CLTCL1: variants seen among roughly 807,000 people sequenced by gnomAD.
CLTCL1 encodes clathrin heavy chain like 1.
A neutral mutation model predicts 190.0 loss-of-function variants in CLTCL1; 159 were observed. The observed-to-expected ratio is 0.84, with a 90% CI of 0.74 to 0.95. The LOEUF (loss-of-function observed/expected upper bound fraction) is 0.95. CLTCL1 is among the 40% of genes least tolerant of loss of function. The pLI is 0.00. For missense variants in CLTCL1, 1,878 were observed against 2,033.4 expected (o/e 0.92, Z 1.47); for synonymous variants, 752 against 769.6 (o/e 0.98, Z 0.38).
chr22:19,203,938 A>C (rs1439257305), intron 22 of CLTCL1, among the ~76,000 whole-genome samples: 1 of 151,836 alleles, frequency 6.6e-6, no homozygotes, highest in East Asian at 1.9e-4. Flanking sequence ...CTCACACCCC[A>C]CTTGGCAGCA....
chr22:19,289,156 T>C (rs1259832647), intron 1 of CLTCL1, among the ~76,000 whole-genome samples: 5 of 152,164 alleles, frequency 3.3e-5, no homozygotes, highest in African/African-American at 7.2e-5. Flanking sequence ...GCTAATACTG[T>C]ATTTTTAGTA....
At chr22:19,196,891 T>C (rs535258979) in intron 24 of CLTCL1, among the ~76,000 whole-genome samples, 6 of 152,296 alleles carry the variant, frequency 3.9e-5, no homozygotes, top group Non-Finnish European at 8.8e-5. Context: ...TCAAGTTTAG[T>C]AAGTGCAAAT....
chr22:19,220,082 C>A (rs908322172), intron 17 of CLTCL1, 75 bp from the exon 18 acceptor site: 29 of 1,589,858 alleles, frequency 1.8e-5, no homozygotes, highest in Middle Eastern at 2.1e-4. Flanking sequence ...CACCCCAATT[C>A]GTTCCCTGTG....
chr22:19,210,850 A>G (rs1555946333), intron 19 of CLTCL1, among the ~76,000 whole-genome samples: 2 of 152,110 alleles, frequency 1.3e-5, no homozygotes, highest in African/African-American at 4.8e-5. Context: ...TTATAGCTTT[A>G]TCACATCTAC....
At chr22:19,274,815 C>T (rs561481252) in intron 2 of CLTCL1, among the ~76,000 whole-genome samples, 94 of 151,806 alleles carry the variant, frequency 6.2e-4, no homozygotes, top group African/African-American at 2.2e-3. Context: ...CCGCAACCTC[C>T]ACCTCCTGGG....
chr22:19,232,709 AACATTATC>A, intron 9 of CLTCL1, 111 bp from the exon 10 acceptor site: 1 of 1,372,738 alleles, frequency 7.3e-7, no homozygotes, highest in African/African-American at 1.4e-5. Flanking sequence ...AATGAGCAGC[AACATTATC>A]ATGTGTAGGT....
At chr22:19,233,057 C>T (rs1228013027) in intron 9 of CLTCL1, 109 bp downstream of exon 9, 16 of 1,187,110 alleles carry the variant, frequency 1.3e-5, no homozygotes, top group Non-Finnish European at 1.9e-5. Context: ...ATTGCCAACT[C>T]TCACACCAGA....
At chr22:19,202,886 A>G (rs2084941734) in intron 22 of CLTCL1, among the ~76,000 whole-genome samples, 1 of 152,222 alleles carries the variant, frequency 6.6e-6, no homozygotes, top group African/African-American at 2.4e-5. Context: ...GGCCTGCTCC[A>G]TGGATGTCCC....
chr22:19,221,655 G>C, intron 16 of CLTCL1, 44 bp from the exon 17 acceptor site: 2 of 1,501,176 alleles, frequency 1.3e-6, no homozygotes, highest in East Asian at 4.9e-5. Context: ...GGCTACCACT[G>C]GAAGTCTTGA....
intron 22 of CLTCL1, among the ~76,000 whole-genome samples, chr22:19,206,211 ACCC>A (rs2085045623): frequency 6.7e-6 from 1 of 150,086 alleles, no homozygotes; most frequent in Admixed American, 6.6e-5. Flanking sequence ...CAGGCCCTTC[ACCC>A]CCTTGTTTTC....
chr22:19,288,989 C>T (rs1354256681), intron 1 of CLTCL1, among the ~76,000 whole-genome samples: 3 of 152,202 alleles, frequency 2.0e-5, no homozygotes, highest in African/African-American at 7.2e-5. Flanking sequence ...TAGCTCATCG[C>T]ATCTTATTTT....
chr22:19,249,810 A>G, intron 3 of CLTCL1: 1 of 248,442 alleles, frequency 4.0e-6, no homozygotes, highest in South Asian at 3.9e-5. Flanking sequence ...TTAATCAGAA[A>G]ATTAACTTTC....
At chr22:19,246,673 T>G (rs1000618667) in intron 3 of CLTCL1, among the ~76,000 whole-genome samples, 8 of 152,114 alleles carry the variant, frequency 5.3e-5, no homozygotes, top group Admixed American at 1.3e-4. Context: ...ATGGGGTTTC[T>G]CCATGTTGGT....
intron 3 of CLTCL1, among the ~76,000 whole-genome samples, chr22:19,246,944 G>A (rs2086438045): frequency 6.6e-6 from 1 of 152,090 alleles, no homozygotes; most frequent in African/African-American, 2.4e-5. Flanking sequence ...ATCCCAGGTT[G>A]TCTTTTCACT....
At chr22:19,256,354 C>CTTTTTTTTTTTTTTT (rs1239133099) in intron 2 of CLTCL1, among the ~76,000 whole-genome samples, 6 of 104,340 alleles carry the variant, frequency 5.8e-5, no homozygotes, top group Non-Finnish European at 7.5e-5. Flanking sequence ...TTTCTTTTAT[C>CTTTTTTTTTTTTTTT]TTTTTTTTTT....
rs1569157289 is a variant in CLTCL1, at chr22:19,196,545, G to A, written c.3985C>T (p.Pro1329Ser). The part of the protein sequence containing the change: ...ELAILYSKFK[P>S]QKMLEHLELF... ...TCCAGATGCTCCAGCATCTTCTGTG[G>A]CTTGAATTTGGAGTAGAGGATGGCC... is the stretch of plus-strand genomic sequence containing the variant. The change falls in exon 25 of 33, where the codon CCA becomes TCA. Residue 1329 changes from proline (P) to serine (S), a missense_variant. Physicochemically the swap from Pro to Ser is moderately conservative, Grantham distance 74. Transcript: ENST00000427926. 1.9e-6 allele frequency: 3 copies of A among 1,614,038 alleles called. No individual in the cohort carries two copies. The South Asian group carries it at 3.3e-5, about 18-fold the overall frequency.
At chr22:19,227,984 T>C (rs762467025) in intron 11 of CLTCL1, among the ~76,000 whole-genome samples, 3 of 152,172 alleles carry the variant, frequency 2.0e-5, no homozygotes, top group Admixed American at 6.5e-5. Flanking sequence ...GCTCCCTCAG[T>C]ATCTAATGAT....
rs1190233389 is a variant in CLTCL1, at chr22:19,225,689, A to G, written c.1948-56T>C. 3 of 1,432,088 alleles carry G rather than the reference A, an allele frequency of 2.1e-6. No homozygotes were observed. The East Asian group carries it at 7.6e-5, about 36-fold the overall frequency. 88.7% of individuals were successfully genotyped at this position (1,432,088 alleles called of 1,614,324 possible). A position where few individuals can be genotyped will look rare whatever the true frequency, so the allele number is the denominator to read the frequency against. On this transcript the variant is annotated intron_variant, in intron 12 of 32. Coordinates refer to ENST00000427926, the MANE Select transcript of CLTCL1 (RefSeq NM_007098.4). ...ATGCACCACTCTAAAGATTGCTAAC[A>G]CTTGGAAAATAACTAGGTCATTCTC...
chr22:19,237,642 C>T (rs1393291158), intron 5 of CLTCL1, among the ~76,000 whole-genome samples: 2 of 152,174 alleles, frequency 1.3e-5, no homozygotes, highest in Non-Finnish European at 2.9e-5. Context: ...TACCAATCAA[C>T]AGGGGATTGT....
Sources: gnomAD v4.1 joint callset for allele counts (sites outside exome capture counted in the v4.1 genomes callset) on GRCh38, gnomAD v4.1.1 for gene constraint, MANE v1.5 for transcripts, NCBI Gene and HGNC (gene_info 2026-07-23, HGNC 2026-07-21) for gene names.